Variants in KIAA1217 observed in about 807,000 individuals in gnomAD.
The protein encoded by KIAA1217 is KIAA1217, also known as sickle tail protein homolog.
A neutral mutation model predicts 163.9 loss-of-function variants in KIAA1217; 88 were observed. That is an observed-to-expected ratio of 0.54 (90% CI 0.45 to 0.64). The LOEUF is 0.64. KIAA1217 is among the 30% of genes least tolerant of loss of function. The pLI is 0.00. For synonymous variants in KIAA1217, 903 were observed against 923.1 expected, an observed-to-expected ratio of 0.98 and a Z score of 0.39; for missense variants, 2,372 against 2,475.0, an observed-to-expected ratio of 0.96 and a Z score of 0.88.
chr10:23,936,408 A>G (rs1843527768), intron 1 of KIAA1217, among the ~76,000 whole-genome samples: 1 of 152,166 alleles, frequency 6.6e-6, no homozygotes, highest in African/African-American at 2.4e-5. Flanking sequence ...CAGCCCCAGT[A>G]CTTGTGAATG....
intron 1 of KIAA1217, among the ~76,000 whole-genome samples, chr10:23,818,206 T>A (rs1837437412): frequency 7.0e-6 from 1 of 143,834 alleles, no homozygotes; most frequent in African/African-American, 2.5e-5. Context: ...TAAGACATAT[T>A]TTTTTTGCAT....
At chr10:24,535,569 G>A (rs2073879116) in intron 16 of KIAA1217, among the ~76,000 whole-genome samples, 1 of 152,196 alleles carries the variant, frequency 6.6e-6, no homozygotes, top group Non-Finnish European at 1.5e-5. Context: ...GAGGTCAGCA[G>A]TTTGAGACCA....
intron 3 of KIAA1217, among the ~76,000 whole-genome samples, chr10:24,416,480 C>T (rs1349224910): frequency 6.6e-6 from 1 of 152,242 alleles, no homozygotes; most frequent in East Asian, 1.9e-4. Context: ...CTTTCTGCAT[C>T]ACACACAAGC....
At position 24,543,300 on chromosome 10, in the gene KIAA1217, G is replaced by T. The variant is rs2075330227; in HGVS notation, c.4030G>T (p.Asp1344Tyr). The T allele has an allele frequency of 3.1e-6, 5 of 1,614,138 alleles. No homozygotes were observed. The highest frequency in any genetic ancestry group is 4.2e-6 in the Non-Finnish European group (5 of 1,180,026). The change falls in exon 19 of 21, where the codon GAT becomes TAT. Residue 1344 changes from aspartate to tyrosine, a missense_variant. Asp to Tyr is a radical substitution (Grantham distance 160). This residue lies in a region of KIAA1217 where 251 missense variants were observed against 327.3 expected (regional missense o/e 0.77). Transcript: ENST00000376454. ...AGAAGATCAAGAGGTTATCACGACA[G>T]ATTTTGGCCAAGTTGTTCTAAGACC... Reference protein sequence around the residue: ...KTEDQEVITTDFGQVVLRPKE... With the variant: ...KTEDQEVITTYFGQVVLRPKE...
intron 1 of KIAA1217, among the ~76,000 whole-genome samples, chr10:23,894,003 A>G (rs11013773): frequency 0.023 from 3,440 of 151,020 alleles, 91 homozygotes; most frequent in Non-Finnish European, 0.028. Context: ...AATAATAAGA[A>G]CTATCTATGA....
intron 1 of KIAA1217, among the ~76,000 whole-genome samples, chr10:24,003,593 C>T (rs986663465): frequency 1.3e-5 from 2 of 152,174 alleles, no homozygotes; most frequent in Non-Finnish European, 2.9e-5. Flanking sequence ...AGTTGAATTT[C>T]TCAAATGAGA....
At chr10:24,009,645 C>T (rs1195789751) in intron 2 of KIAA1217, among the ~76,000 whole-genome samples, 3 of 152,130 alleles carry the variant, frequency 2.0e-5, no homozygotes, top group Admixed American at 1.3e-4. Flanking sequence ...CCCACTTACA[C>T]ACAGGGAAAT....
At chr10:24,122,933 A>C (rs906544331) in intron 2 of KIAA1217, among the ~76,000 whole-genome samples, 5 of 151,880 alleles carry the variant, frequency 3.3e-5, no homozygotes, top group Admixed American at 6.6e-5. Context: ...TATAATAGTC[A>C]TCTGCAAACC....
chr10:23,833,959 A>T (rs946701408), intron 1 of KIAA1217, among the ~76,000 whole-genome samples: 10 of 152,218 alleles, frequency 6.6e-5, no homozygotes, highest in Non-Finnish European at 1.3e-4. Context: ...TGGTTTATAA[A>T]CATAGTTTAT....
intron 3 of KIAA1217, among the ~76,000 whole-genome samples, chr10:24,428,860 TA>T (rs199778608): frequency 0.19 from 21,429 of 114,390 alleles, 1,470 homozygotes; most frequent in East Asian, 0.29. Flanking sequence ...TCTTTAAAGA[TA>T]AAAAAAAAAA....
intron 2 of KIAA1217, among the ~76,000 whole-genome samples, chr10:24,187,356 C>T (rs1180466621): frequency 1.3e-5 from 2 of 152,204 alleles, no homozygotes; most frequent in African/African-American, 4.8e-5. Context: ...CCTCCCAGGT[C>T]ATTTATTTCC....
rs951011723 is a variant in KIAA1217 at position 24,518,124 on chromosome 10, A to G, written c.2178-1999A>G. On this transcript the variant is annotated intron_variant, in intron 10 of 20. Transcript: ENST00000376454. ...CTGCATGCTTCTTTTTAACAAAGCT[A>G]GGATGAAAAGCCACTTAAACAAATA... Among the ~76,000 whole-genome samples the G allele has an allele frequency of 1.1e-4, 17 of 152,264 alleles. 1 individual carries two copies. The highest frequency in any genetic ancestry group is 1.0e-3 in the Admixed American group (16 of 15,286).
chr10:23,851,760 C>A (rs1839342348), intron 1 of KIAA1217, among the ~76,000 whole-genome samples: 1 of 152,010 alleles, frequency 6.6e-6, no homozygotes, highest in Non-Finnish European at 1.5e-5. Flanking sequence ...TCTCTGATGG[C>A]CAGTGATGGT....
In KIAA1217 at chr10:23,955,040, G is replaced by A. The variant is rs545878289; in HGVS notation, c.-320-52185G>A. On this transcript the variant is annotated intron_variant, in intron 1 of 18. Transcript: ENST00000376462. ...TAATAATAATGGGCAATAATAACAA[G>A]TTATGTAGGACTTACTGTGCCCAGT... is the stretch of plus-strand genomic sequence containing the variant. Among the ~76,000 whole-genome samples, 10 of 152,286 alleles carry A rather than the reference G, an allele frequency of 6.6e-5. No homozygotes were observed. The South Asian group carries it at 8.3e-4, about 13-fold the overall frequency.
intron 3 of KIAA1217, among the ~76,000 whole-genome samples, chr10:24,388,701 A>T (rs1004630623): frequency 6.8e-6 from 1 of 146,066 alleles, no homozygotes; most frequent in Admixed American, 6.8e-5. Flanking sequence ...AAGAACTTAA[A>T]CAAATTTACA....
chr10:23,777,046 C>G (rs1024557114), intron 1 of KIAA1217, among the ~76,000 whole-genome samples: 2 of 152,100 alleles, frequency 1.3e-5, no homozygotes, highest in African/African-American at 2.4e-5. Flanking sequence ...CTCTCATGAG[C>G]ATATCATTCT....
At chr10:23,728,847 T>A (rs1838314307) in intron 1 of KIAA1217, among the ~76,000 whole-genome samples, 1 of 152,204 alleles carries the variant, frequency 6.6e-6, no homozygotes, top group Non-Finnish European at 1.5e-5. Flanking sequence ...GCACAGCCTC[T>A]GCAGTCATCA....
intron 1 of KIAA1217, among the ~76,000 whole-genome samples, chr10:23,955,876 T>A (rs999319776): frequency 6.6e-6 from 1 of 152,170 alleles, no homozygotes; most frequent in Non-Finnish European, 1.5e-5. Context: ...GAAGGCAAGT[T>A]CTACTTTCAG....
At chr10:24,406,717 T>C (rs1457375948) in intron 3 of KIAA1217, among the ~76,000 whole-genome samples, 1 of 152,226 alleles carries the variant, frequency 6.6e-6, no homozygotes, top group Non-Finnish European at 1.5e-5. Context: ...AAAAAAGATT[T>C]GAAATGTGTT....
Sources: allele counts gnomAD v4.1 joint callset (sites outside exome capture counted in the v4.1 genomes callset), GRCh38; gene constraint gnomAD v4.1.1; regional missense constraint gnomAD v4.1.1; transcripts MANE v1.5; gene names NCBI Gene and HGNC (gene_info 2026-07-23, HGNC 2026-07-21).